Variants in KPNA6 observed in about 807,000 individuals in gnomAD.
The protein encoded by KPNA6 is importin subunit alpha-7.
Under a neutral mutation model 72.0 loss-of-function variants are expected in KPNA6, and 9 were observed. The ratio of observed to expected loss-of-function variants is 0.13; its 90% CI spans 0.08 to 0.22. The LOEUF is 0.22. Ranked by LOEUF, KPNA6 falls within the 10% of genes least tolerant of loss-of-function variation. KPNA6 has a pLI of 1.00. For missense variants in KPNA6, 374 were observed against 655.7 expected, an observed-to-expected ratio of 0.57 and a Z score of 4.69; for synonymous variants, 219 against 242.1, an observed-to-expected ratio of 0.90 and a Z score of 0.89.
chr1:32,117,055 A>G (rs1332369554), intron 1 of KPNA6, among the ~76,000 whole-genome samples: 1 of 152,238 alleles, frequency 6.6e-6, no homozygotes, highest in Non-Finnish European at 1.5e-5. Flanking sequence ...CAAAAAACAA[A>G]AGTTTGAAAT....
rs1260538330 is a variant in KPNA6, at chr1:32,119,787, C to T, written c.4+11653C>T. Among the ~76,000 whole-genome samples the T allele has an allele frequency of 2.0e-5, 3 of 149,344 alleles. No homozygotes were observed. The Admixed American group carries it at 2.0e-4, about 10-fold the overall frequency. On this transcript the variant is annotated intron_variant, in intron 1 of 13. Transcript: ENST00000373625. ...TGAGATGGGGTCTTGCACTGTCGCC[C>T]AGGCTAGAGTGCAGTGGCACGATCT...
chr1:32,130,863 A>G (rs988312471), intron 1 of KPNA6, among the ~76,000 whole-genome samples: 2 of 152,322 alleles, frequency 1.3e-5, no homozygotes, highest in East Asian at 1.9e-4. Flanking sequence ...GCTAATTGCT[A>G]TATATAATGC....
intron 1 of KPNA6, among the ~76,000 whole-genome samples, chr1:32,143,696 T>C (rs10737361): frequency 1 from 151,942 of 152,260 alleles, 75,813 homozygotes; most frequent in Middle Eastern, 1. Flanking sequence ...ACCATCATCA[T>C]CACTATTTCC....
At chr1:32,125,085 T>G (rs1195883476) in intron 1 of KPNA6, among the ~76,000 whole-genome samples, 2 of 152,118 alleles carry the variant, frequency 1.3e-5, no homozygotes, top group Non-Finnish European at 2.9e-5. Context: ...GCTCAGGCAA[T>G]CCACCCGCCT....
chr1:32,161,169 C>T (rs1388516854), intron 7 of KPNA6, among the ~76,000 whole-genome samples: 1 of 152,042 alleles, frequency 6.6e-6, no homozygotes, highest in Non-Finnish European at 1.5e-5. Flanking sequence ...AAAGATTGTG[C>T]CACCCATCTG....
intron 1 of KPNA6, among the ~76,000 whole-genome samples, chr1:32,150,876 C>G (rs192909031): frequency 2.3e-3 from 352 of 152,252 alleles, no homozygotes; most frequent in African/African-American, 7.9e-3. Context: ...CCGCCCACCT[C>G]GGCCTCCCAA....
intron 1 of KPNA6, among the ~76,000 whole-genome samples, chr1:32,115,068 G>T (rs1041465384): frequency 1.3e-5 from 2 of 152,132 alleles, no homozygotes; most frequent in African/African-American, 4.8e-5. Flanking sequence ...TCGAACTCCT[G>T]ACCTCAAGTG....
intron 1 of KPNA6, among the ~76,000 whole-genome samples, chr1:32,121,481 A>G (rs1312307005): frequency 1.3e-5 from 2 of 152,190 alleles, no homozygotes; most frequent in African/African-American, 2.4e-5. Context: ...AGGCCTGGGA[A>G]TGGAGATAGA....
At chr1:32,108,219 C>T (rs1641177607) in intron 1 of KPNA6, 85 bp downstream of exon 1, 5 of 1,572,144 alleles carry the variant, frequency 3.2e-6, no homozygotes, top group South Asian at 1.1e-5. Context: ...CTCCGGTCTG[C>T]GGAAGATGTC....
rs1045962164 is a variant in KPNA6 at position 32,163,405 on chromosome 1, G to A, written c.990+92G>A. On this transcript the variant is annotated intron_variant, in intron 10 of 13. Coordinates refer to ENST00000373625, the MANE Select transcript of KPNA6 (RefSeq NM_012316.5). ...ACAAAAGCCTTTCCTGCAAAGGGCT[G>A]TGGTCCTGATGGGAGGCACTATGGT... 5.5e-6 allele frequency: 5 copies of A among 901,906 alleles called. No individual in the cohort carries two copies. The African/African-American group carries it at 8.2e-5, about 15-fold the overall frequency. The allele number at this position is 901,906 out of a possible 1,614,324, so 55.9% of individuals were successfully genotyped here.
chr1:32,114,936 G>A (rs374511089), intron 1 of KPNA6, among the ~76,000 whole-genome samples: 9 of 152,144 alleles, frequency 5.9e-5, no homozygotes, highest in African/African-American at 2.2e-4. Flanking sequence ...TGTCTCCCGG[G>A]TTCAAGTAAT....
chr1:32,164,485 A>C (rs924382824), intron 10 of KPNA6, among the ~76,000 whole-genome samples: 1 of 152,106 alleles, frequency 6.6e-6, no homozygotes, highest in African/African-American at 2.4e-5. Flanking sequence ...GCCATCTTAC[A>C]TTCCCACCAA....
chr1:32,150,551 A>T (rs951032496), intron 1 of KPNA6, among the ~76,000 whole-genome samples: 1 of 152,020 alleles, frequency 6.6e-6, no homozygotes, highest in East Asian at 1.9e-4. Flanking sequence ...CTGAAGTGTC[A>T]TTTCTGGATC....
intron 1 of KPNA6, among the ~76,000 whole-genome samples, chr1:32,116,041 G>C (rs1439102023): frequency 6.6e-6 from 1 of 152,040 alleles, no homozygotes; most frequent in African/African-American, 2.4e-5. Context: ...ACTGCGCTCG[G>C]CTCCTTAAAC....
Position 32,162,428 on chromosome 1 carries a change from C to T in KPNA6, c.815C>T (p.Ala272Val). ...AGCGACTCGGACTTGCTGGCAGATG[C>T]TTGCTGGGCCCTTTCTTATCTGTCT... is the stretch of plus-strand genomic sequence containing the variant. ...FSSDSDLLAD[A>V]CWALSYLSDG... is the part of the protein sequence containing the mutation. The change falls in exon 9 of 14, where the codon GCT becomes GTT. Residue 272 changes from alanine to valine, a missense_variant. By Grantham distance (64) the Ala-to-Val change is moderately conservative (BLOSUM62 0). Around this residue, in one of 3 missense-constraint regions of KPNA6, gnomAD observed 298 missense variants for 495.4 expected, o/e 0.60. Coordinates refer to ENST00000373625, the MANE Select transcript of KPNA6 (RefSeq NM_012316.5). 2 of 1,613,990 alleles carry T rather than the reference C, an allele frequency of 1.2e-6. No individual in the cohort carries two copies. The highest frequency in any genetic ancestry group is 1.7e-6 in the Non-Finnish European group (2 of 1,179,970).
intron 1 of KPNA6, among the ~76,000 whole-genome samples, chr1:32,148,557 C>CTT (rs59642374): frequency 3.9e-4 from 53 of 134,444 alleles, no homozygotes; most frequent in African/African-American, 1.3e-3. Flanking sequence ...GTATATTGGT[C>CTT]TTTTTTTTTT....
At chr1:32,165,684 A>C (rs1642319343) in intron 10 of KPNA6, among the ~76,000 whole-genome samples, 1 of 151,914 alleles carries the variant, frequency 6.6e-6, no homozygotes, top group Non-Finnish European at 1.5e-5. Flanking sequence ...CCTAGGCAAC[A>C]AAGTGAGACC....
chr1:32,136,316 G>A (rs1160981197), intron 1 of KPNA6, among the ~76,000 whole-genome samples: 3 of 151,948 alleles, frequency 2.0e-5, no homozygotes, highest in African/African-American at 7.3e-5. Flanking sequence ...GATTATAAGT[G>A]CCTGCCACCA....
chr1:32,145,742 A>C (rs1446677200), intron 1 of KPNA6, among the ~76,000 whole-genome samples: 1 of 151,980 alleles, frequency 6.6e-6, no homozygotes, highest in Non-Finnish European at 1.5e-5. Context: ...CCGTAGATGT[A>C]AGGGTTTATT....
Sources: gnomAD v4.1 joint callset for allele counts (sites outside exome capture counted in the v4.1 genomes callset) on GRCh38, gnomAD v4.1.1 for gene constraint, gnomAD v4.1.1 regional missense constraint, MANE v1.5 for transcripts, NCBI Gene and HGNC (gene_info 2026-07-23, HGNC 2026-07-21) for gene names.